Variants in SNIP1 observed in about 807,000 individuals in gnomAD.
The protein encoded by SNIP1 is smad nuclear-interacting protein 1.
In SNIP1, 23 loss-of-function variants were observed where a neutral mutation model predicts 37.4. The ratio of observed to expected loss-of-function variants is 0.61; its 90% confidence interval spans 0.44 to 0.87. The LOEUF is 0.87. SNIP1 is among the 40% of genes least tolerant of loss of function. SNIP1 has a pLI of 0.00. For synonymous variants in SNIP1, 174 were observed against 200.0 expected (o/e 0.87, Z 1.10); for missense variants, 459 against 540.4 (o/e 0.85, Z 1.49).
chr1:37,537,799 G>T lies in SNIP1; in HGVS notation c.1140C>A (p.Asp380Glu). The change falls in exon 4 of 4, where the codon GAC becomes GAA. Residue 380 changes from aspartate to glutamate, a missense_variant. By Grantham distance (45) the Asp-to-Glu change is conservative. Transcript: ENST00000296215. ...LHESSDTSEI[D>E]RKDDEDEEEE... ...CCTCCTCATCCTCGTCATCTTTCCT[G>T]TCTATTTCAGAAGTGTCCGACGACT... 3 of 1,614,136 alleles carry T rather than the reference G, an allele frequency of 1.9e-6. No homozygotes were observed. The highest frequency in any genetic ancestry group is 2.5e-6 in the Non-Finnish European group (3 of 1,179,996).
At chr1:37,549,331 C>T (rs1643275962) in intron 2 of SNIP1, among the ~76,000 whole-genome samples, 1 of 152,110 alleles carries the variant, frequency 6.6e-6, no homozygotes, top group African/African-American at 2.4e-5. Flanking sequence ...ACACAATGTT[C>T]ATGGATTAGA....
intron 2 of SNIP1, among the ~76,000 whole-genome samples, chr1:37,548,309 T>C (rs929199750): frequency 6.6e-6 from 1 of 151,938 alleles, no homozygotes; most frequent in African/African-American, 2.4e-5. Context: ...TACTGTTATT[T>C]GTCTTTTAAA....
At chr1:37,553,941 T>C (rs1570032300) in intron 1 of SNIP1, 65 bp downstream of exon 1, 1 of 1,511,800 alleles carries the variant, frequency 6.6e-7, no homozygotes, top group East Asian at 2.5e-5. Context: ...TTTCGGACGC[T>C]AGCCCTGCCC....
chr1:37,534,799 T>G lies in SNIP1; in HGVS notation c.*2949A>C, dbSNP rs1210120339. 1 of 152,142 alleles carries G rather than the reference T, an allele frequency of 6.6e-6. No homozygotes were observed. Among genetic ancestry groups the G allele is most frequent in the Non-Finnish European group, 1.5e-5 (1 of 68,018 alleles). 9.4% of individuals were successfully genotyped at this position (152,142 alleles called of 1,614,324 possible). On this transcript the variant is annotated 3_prime_UTR_variant, in exon 4 of 4. Transcript: ENST00000296215. ...AGAATCATGGACCCCCACAGAGGAC[T>G]TAGGGGAGGGGCTCAGAAGCAAAGG... is the stretch of plus-strand genomic sequence containing the variant.
Position 37,537,529 on chromosome 1 carries a change from C to A in SNIP1, c.*219G>T, listed in dbSNP as rs1279647591. The A allele has an allele frequency of 1.9e-6, 1 of 522,252 alleles. No individual in the cohort carries two copies. Among genetic ancestry groups the A allele is most frequent in the African/African-American group, 1.9e-5 (1 of 52,426 alleles). The allele number at this position is 522,252 out of a possible 1,614,324, so 32.4% of individuals were successfully genotyped here. ...AGACTGTTCTGAAAACAAATGCCTG[C>A]AGGCATGTGGCCAAGGTGCCACAGA... On this transcript the variant is annotated 3_prime_UTR_variant, in exon 4 of 4. Transcript: ENST00000296215.
chr1:37,542,174 G>A (rs536299258), intron 2 of SNIP1, among the ~76,000 whole-genome samples: 5 of 152,142 alleles, frequency 3.3e-5, no homozygotes, highest in Non-Finnish European at 7.3e-5. Context: ...ACTGCAAACT[G>A]CAACAGTTTT....
rs1570014566 is a variant in SNIP1 at position 37,536,350 on chromosome 1, C to CA, written c.*1397dup. On this transcript the variant is annotated 3_prime_UTR_variant, in exon 4 of 4. Coordinates refer to ENST00000296215, the MANE Select transcript of SNIP1 (RefSeq NM_024700.4). The stretch of plus-strand genomic sequence containing the variant: ...TGAGCTGCTTCACCACCTTTCCCCA[C>CA]AACCCACCTCCATGTCACCATCTGC... The CA allele has an allele frequency of 6.6e-6, 1 of 152,176 alleles. No individual in the cohort carries two copies. The highest frequency in any genetic ancestry group is 1.9e-4 in the East Asian group (1 of 5,200). The allele number at this position is 152,176 out of a possible 1,614,324, so 9.4% of individuals were successfully genotyped here. A position where few individuals can be genotyped will look rare whatever the true frequency, so the allele number is the denominator to read the frequency against.
intron 2 of SNIP1, among the ~76,000 whole-genome samples, chr1:37,549,454 G>A (rs1389500714): frequency 1.3e-5 from 2 of 152,252 alleles, no homozygotes; most frequent in East Asian, 3.9e-4. Flanking sequence ...GCCCAGGCTG[G>A]AGTGCAGTGG....
chr1:37,540,422 T>C lies in SNIP1; in HGVS notation c.661A>G (p.Lys221Glu). 1.2e-6 allele frequency: 2 copies of C among 1,614,200 alleles called. No homozygotes were observed. The highest frequency in any genetic ancestry group is 2.2e-5 in the South Asian group (2 of 91,082). ...GAAAGTTCAAAGCTTGGTTTTTCTT[T>C]AGCGGGCACCTCTTTTTCTTTGTTG... ...GNNKEKEVPA[K>E]EKPSFELSGA... The change falls in exon 3 of 4, where the codon AAA becomes GAA. Residue 221 changes from lysine to glutamate, a missense_variant. By Grantham distance (56) the Lys-to-Glu change is moderately conservative. Transcript: ENST00000296215. This position sits in a 1 kb window ranked among gnomAD's most constrained non-coding sequence, Gnocchi z 5.6.
intron 2 of SNIP1, among the ~76,000 whole-genome samples, chr1:37,546,655 C>T (rs187670047): frequency 2.3e-4 from 35 of 152,062 alleles, no homozygotes; most frequent in African/African-American, 5.8e-4. Context: ...GCCTGGGTGA[C>T]GGAGTGAGAC....
chr1:37,547,293 G>T (rs1350418821), intron 2 of SNIP1, among the ~76,000 whole-genome samples: 2 of 152,336 alleles, frequency 1.3e-5, no homozygotes, highest in East Asian at 3.9e-4. Context: ...ATATCATAGT[G>T]ATTACCTCTG....
chr1:37,539,439 CA>C (rs1359581457), intron 3 of SNIP1, among the ~76,000 whole-genome samples: 1 of 152,182 alleles, frequency 6.6e-6, no homozygotes, highest in Non-Finnish European at 1.5e-5. Flanking sequence ...GGGCCAGCCG[CA>C]GTGGCTCACA....
rs532599764 is a variant in SNIP1, at chr1:37,543,913, G to C, written c.328-3158C>G. ...CCCAGCACTTTGGGAGGGCAAGGGG[G>C]GGGGCAGGTCACTTGAGGTCGGTCA... On this transcript the variant is annotated intron_variant, in intron 2 of 3. Coordinates refer to ENST00000296215, the MANE Select transcript of SNIP1 (RefSeq NM_024700.4). 1.9e-4 allele frequency among the ~76,000 whole-genome samples: 29 copies of C among 152,158 alleles called. No homozygotes were observed. The East Asian group carries it at 4.1e-3, about 21-fold the overall frequency.
intron 1 of SNIP1, among the ~76,000 whole-genome samples, chr1:37,553,740 G>A (rs1570032024): frequency 6.6e-6 from 1 of 152,136 alleles, no homozygotes; most frequent in East Asian, 1.9e-4. Flanking sequence ...AGTGCTATCT[G>A]TTGGGCCACA....
chr1:37,552,886 G>C, intron 1 of SNIP1, 139 bp from the exon 2 acceptor site: 1 of 701,668 alleles, frequency 1.4e-6, no homozygotes, highest in Non-Finnish European at 2.5e-6. Flanking sequence ...GGAGTCACGA[G>C]GTTCACTTTC....
chr1:37,552,450 GTTTAA>G (rs368290150), intron 2 of SNIP1, 190 bp downstream of exon 2: 151 of 566,574 alleles, frequency 2.7e-4, no homozygotes, highest in East Asian at 2.5e-3. Context: ...AAAATAAAAA[GTTTAA>G]TTTAAGCAAA....
At chr1:37,546,380 A>C (rs141377032) in intron 2 of SNIP1, among the ~76,000 whole-genome samples, 2 of 152,292 alleles carry the variant, frequency 1.3e-5, no homozygotes, top group East Asian at 3.9e-4. Flanking sequence ...AGTCATTATA[A>C]TAAGCCATAA....
Position 37,537,733 on chromosome 1 carries a change from T to A in SNIP1, c.*15A>T. 3.7e-6 allele frequency: 6 copies of A among 1,607,356 alleles called. No homozygotes were observed. The highest frequency in any genetic ancestry group is 5.1e-6 in the Non-Finnish European group (6 of 1,176,480). ...AGAAGGAAACCGTGTATCAATAGTT[T>A]GGGTTCTTAGTTTGCTAGCTGTCAG... On this transcript the variant is annotated 3_prime_UTR_variant, in exon 4 of 4. Coordinates refer to ENST00000296215, the MANE Select transcript of SNIP1 (RefSeq NM_024700.4).
chr1:37,551,856 C>T (rs566928916), intron 2 of SNIP1, among the ~76,000 whole-genome samples: 1 of 152,148 alleles, frequency 6.6e-6, no homozygotes, highest in Admixed American at 6.6e-5. Context: ...CTGCAACTAC[C>T]GTACAATCCA....
Sources: gnomAD v4.1 joint callset for allele counts (sites outside exome capture counted in the v4.1 genomes callset) on GRCh38, gnomAD v4.1.1 for gene constraint, Gnocchi (gnomAD v3.1) non-coding constraint, MANE v1.5 for transcripts, NCBI Gene and HGNC (gene_info 2026-07-23, HGNC 2026-07-21) for gene names.